PARD3B: variants seen among roughly 807,000 people sequenced by gnomAD.
PARD3B encodes the protein partitioning defective 3 homolog B.
In PARD3B, 103 loss-of-function variants were observed where a neutral mutation model predicts 130.2. That is an observed-to-expected ratio of 0.79 (90% CI 0.67 to 0.93). The LOEUF (loss-of-function observed/expected upper bound fraction) is 0.93, where lower values mean the gene tolerates loss of function less well. Among genes scored for constraint, PARD3B ranks in the 40% least tolerant of loss-of-function variants. PARD3B has a pLI of 0.00. For missense variants in PARD3B, 1,609 were observed against 1,499.2 expected, an observed-to-expected ratio of 1.07 and a Z score of -1.21; for synonymous variants, 583 against 553.2, an observed-to-expected ratio of 1.05 and a Z score of -0.76.
intron 1 of PARD3B, among the ~76,000 whole-genome samples, chr2:204,636,633 C>G (rs994326772): frequency 2.6e-5 from 4 of 152,136 alleles, no homozygotes; most frequent in Admixed American, 6.6e-5. Flanking sequence ...TTCAGGAGAA[C>G]TGTTTTAGTT....
chr2:204,943,881 G>A lies in PARD3B; in HGVS notation c.223-21271G>A, dbSNP rs116584787. Among the ~76,000 whole-genome samples, 1,143 of 152,220 alleles carry A rather than the reference G, an allele frequency of 7.5e-3. 23 individuals carry two copies. The highest frequency in any genetic ancestry group is 0.026 in the African/African-American group (1,072 of 41,530). On this transcript the variant is annotated intron_variant, in intron 2 of 22. Transcript: ENST00000406610. This position sits in a 1 kb window ranked among gnomAD's most constrained non-coding sequence, Gnocchi z 4.2. ...ATTTCAGAGGGGAAACAAAGTTAAA[G>A]CCCAAAGAGTAAAATACTAAAGGGA...
intron 2 of PARD3B, among the ~76,000 whole-genome samples, chr2:204,821,487 G>T (rs1393067912): frequency 2.0e-5 from 3 of 146,772 alleles, no homozygotes; most frequent in Non-Finnish European, 3.0e-5. Flanking sequence ...ACTCATAGGT[G>T]GGAATTGAAC....
chr2:204,812,415 T>C (rs1402123433), intron 2 of PARD3B, among the ~76,000 whole-genome samples: 7 of 152,076 alleles, frequency 4.6e-5, no homozygotes, highest in Non-Finnish European at 8.8e-5. Flanking sequence ...AGAGGAGGAA[T>C]GAAAGGAAGT....
intron 1 of PARD3B, among the ~76,000 whole-genome samples, chr2:204,643,798 C>T (rs2035176925): frequency 6.6e-6 from 1 of 152,112 alleles, no homozygotes; most frequent in Admixed American, 6.5e-5. Context: ...GCAAATTCTT[C>T]TGGACATATT....
At position 204,858,747 on chromosome 2, in the gene PARD3B, G is replaced by A. The variant is rs1448654821; in HGVS notation, c.223-106405G>A. Among the ~76,000 whole-genome samples, 5 of 147,964 alleles carry A rather than the reference G, an allele frequency of 3.4e-5. No individual in the cohort carries two copies. In the South Asian group the frequency reaches 6.3e-4, roughly 19 times the overall value. On this transcript the variant is annotated intron_variant, in intron 2 of 22. Coordinates refer to ENST00000406610, the MANE Select transcript of PARD3B (RefSeq NM_001302769.2). ...GTTCTACAACAGTAACAGTTTTACTGTATATATAGGTGTATATATTATATA... is the reference window on the plus strand; with the variant it reads ...GTTCTACAACAGTAACAGTTTTACTATATATATAGGTGTATATATTATATA...
chr2:204,736,017 T>C (rs1272309865), intron 2 of PARD3B, among the ~76,000 whole-genome samples: 1 of 152,166 alleles, frequency 6.6e-6, no homozygotes, highest in Non-Finnish European at 1.5e-5. Flanking sequence ...AAGAGTAGTT[T>C]ACCCCCGGAA....
intron 2 of PARD3B, among the ~76,000 whole-genome samples, chr2:204,708,831 A>G (rs961195101): frequency 2.6e-5 from 4 of 152,162 alleles, no homozygotes; most frequent in Non-Finnish European, 4.4e-5. Context: ...GCTATGATCA[A>G]GTGTCACCTA....
chr2:204,964,552 G>T (rs754098323), intron 2 of PARD3B, among the ~76,000 whole-genome samples: 2 of 152,174 alleles, frequency 1.3e-5, no homozygotes, highest in African/African-American at 4.8e-5. Context: ...CACAGAGTCA[G>T]TCATGAAGGA....
At chr2:205,466,827 C>T (rs1338538595) in intron 20 of PARD3B, among the ~76,000 whole-genome samples, 2 of 152,202 alleles carry the variant, frequency 1.3e-5, no homozygotes, top group Admixed American at 6.5e-5. Context: ...ATTCTTCTGC[C>T]TCAGCCTCCT....
At chr2:204,567,938 A>G (rs2031772172) in intron 1 of PARD3B, among the ~76,000 whole-genome samples, 1 of 152,190 alleles carries the variant, frequency 6.6e-6, no homozygotes, top group Non-Finnish European at 1.5e-5. Flanking sequence ...GCAACAATCC[A>G]TCTTTAAATA....
At chr2:204,754,171 C>T (rs2040574921) in intron 2 of PARD3B, among the ~76,000 whole-genome samples, 1 of 152,116 alleles carries the variant, frequency 6.6e-6, no homozygotes, top group Admixed American at 6.6e-5. Context: ...AAAATGGGAT[C>T]CATGGACTTC....
chr2:204,988,525 G>C (rs189088059), intron 3 of PARD3B, among the ~76,000 whole-genome samples: 16 of 152,232 alleles, frequency 1.1e-4, no homozygotes, highest in Admixed American at 1.0e-3. Flanking sequence ...AAATACTTGA[G>C]GGGGTGGATA....
intron 1 of PARD3B, among the ~76,000 whole-genome samples, chr2:204,658,436 G>A (rs1038584487): frequency 8.5e-5 from 13 of 152,082 alleles, no homozygotes; most frequent in African/African-American, 3.1e-4. Flanking sequence ...ACGTCTCTTG[G>A]TCTTAGTAAA....
intron 4 of PARD3B, among the ~76,000 whole-genome samples, chr2:205,061,781 G>A (rs978792626): frequency 2.0e-5 from 3 of 147,940 alleles, no homozygotes; most frequent in African/African-American, 7.5e-5. Flanking sequence ...ACCCTTGCAA[G>A]TTCTTTTAAT....
Position 204,967,349 on chromosome 2 carries a change from C to T in PARD3B, c.394+2026C>T, listed in dbSNP as rs142021529. ...CCACAGCAGGCCAGAGCTTTGCCAT[C>T]AATTAGACTATTGCAGAGGCCTCAG... On this transcript the variant is annotated intron_variant, in intron 3 of 22. Coordinates refer to ENST00000406610, the MANE Select transcript of PARD3B (RefSeq NM_001302769.2). This position sits in a 1 kb window ranked among gnomAD's most constrained non-coding sequence, Gnocchi z 4.4. Among the ~76,000 whole-genome samples, 461 of 152,322 alleles carry T rather than the reference C, an allele frequency of 3.0e-3. 5 individuals carry two copies. The highest frequency in any genetic ancestry group is 0.01 in the African/African-American group (430 of 41,566).
chr2:204,915,043 G>T (rs994012072), intron 2 of PARD3B, among the ~76,000 whole-genome samples: 18 of 152,100 alleles, frequency 1.2e-4, no homozygotes, highest in African/African-American at 4.1e-4. Flanking sequence ...GTGGATCGGC[G>T]GGGAGGAGGA....
intron 5 of PARD3B, among the ~76,000 whole-genome samples, chr2:205,106,133 TTTTA>T (rs1231973271): frequency 6.6e-6 from 1 of 151,524 alleles, no homozygotes; most frequent in South Asian, 2.1e-4. Flanking sequence ...ATATATATTC[TTTTA>T]TTTATTTATT....
At chr2:205,539,735 A>G (rs1420247331) in intron 21 of PARD3B, among the ~76,000 whole-genome samples, 1 of 152,178 alleles carries the variant, frequency 6.6e-6, no homozygotes, top group African/African-American at 2.4e-5. Flanking sequence ...ACAGTTCTCC[A>G]GACCCGAACC....
chr2:205,355,227 A>G (rs2044149154), intron 18 of PARD3B, among the ~76,000 whole-genome samples: 1 of 152,198 alleles, frequency 6.6e-6, no homozygotes, highest in African/African-American at 2.4e-5. Flanking sequence ...GACCTCATGC[A>G]TGACGTACCA....
Sources: gnomAD v4.1 joint callset for allele counts (sites outside exome capture counted in the v4.1 genomes callset) on GRCh38, gnomAD v4.1.1 for gene constraint, Gnocchi (gnomAD v3.1) non-coding constraint, MANE v1.5 for transcripts, NCBI Gene and HGNC (gene_info 2026-07-23, HGNC 2026-07-21) for gene names.